TDRD9: variants seen among roughly 807,000 people sequenced by gnomAD.
TDRD9 encodes ATP-dependent RNA helicase TDRD9.
TDRD9 carries 124 observed loss-of-function variants against 172.6 expected under a neutral mutation model. The ratio of observed to expected loss-of-function variants is 0.72; its 90% CI spans 0.62 to 0.83. The LOEUF is 0.83. Among genes scored for constraint, TDRD9 ranks in the 40% least tolerant of loss-of-function variants. The probability of loss-of-function intolerance (pLI) is 0.00; values close to 1 mark genes in which losing one functional copy is unlikely to be tolerated. For synonymous variants in TDRD9, 619 were observed against 617.1 expected, an observed-to-expected ratio of 1.00 and a Z score of -0.05; for missense variants, 1,479 against 1,714.1, an observed-to-expected ratio of 0.86 and a Z score of 2.42.
At chr14:103,976,489 C>G (rs1466721409) in intron 7 of TDRD9, among the ~76,000 whole-genome samples, 2 of 151,912 alleles carry the variant, frequency 1.3e-5, no homozygotes, top group Non-Finnish European at 2.9e-5. Flanking sequence ...TCTCAATCCC[C>G]TGACCTCATG....
intron 1 of TDRD9, among the ~76,000 whole-genome samples, chr14:103,946,370 ACT>A (rs2031558888): frequency 6.6e-6 from 1 of 152,050 alleles, no homozygotes; most frequent in African/African-American, 2.4e-5. Context: ...CATATTAAAA[ACT>A]CTCAACAAAC....
At chr14:103,993,016 G>A (rs1196240034) in intron 9 of TDRD9, among the ~76,000 whole-genome samples, 2 of 151,516 alleles carry the variant, frequency 1.3e-5, no homozygotes. Flanking sequence ...TGTTCCCCAG[G>A]CTGGAGTACA....
At chr14:104,006,057 G>A (rs1340351063) in intron 15 of TDRD9, among the ~76,000 whole-genome samples, 1 of 152,112 alleles carries the variant, frequency 6.6e-6, no homozygotes, top group Non-Finnish European at 1.5e-5. Flanking sequence ...ACATAGTTCA[G>A]TAAGGTTTTG....
intron 32 of TDRD9, among the ~76,000 whole-genome samples, chr14:104,039,166 A>G (rs902656897): frequency 6.6e-6 from 1 of 152,196 alleles, no homozygotes; most frequent in African/African-American, 2.4e-5. Flanking sequence ...AAGGGGGAAA[A>G]GAAAAGCCCC....
intron 13 of TDRD9, 125 bp from the exon 14 acceptor site, chr14:104,004,113 A>C: frequency 2.1e-6 from 1 of 485,114 alleles, no homozygotes; most frequent in Non-Finnish European, 3.8e-6. Context: ...TTTTACTGAC[A>C]TAGTCTGGTG....
At chr14:103,968,829 G>C (rs569550532) in intron 5 of TDRD9, among the ~76,000 whole-genome samples, 1 of 127,224 alleles carries the variant, frequency 7.9e-6, no homozygotes, top group Non-Finnish European at 1.7e-5. Context: ...GGCCGGGTGC[G>C]GTGGCTCACG....
chr14:103,975,650 A>G (rs2033207031), intron 7 of TDRD9, 97 bp downstream of exon 7: 2 of 1,252,550 alleles, frequency 1.6e-6, no homozygotes, highest in Middle Eastern at 2.7e-4. Context: ...CTGCGAGAAA[A>G]TTATTATTTT....
chr14:103,968,247 C>T (rs1165275430), intron 5 of TDRD9, among the ~76,000 whole-genome samples: 1 of 152,228 alleles, frequency 6.6e-6, no homozygotes, highest in African/African-American at 2.4e-5. Context: ...GACCATCGCG[C>T]CATCACGGCA....
chr14:103,928,849 C>T (rs10129730), intron 1 of TDRD9, 125 bp downstream of exon 1: 4,408 of 296,040 alleles, frequency 0.015, 181 homozygotes, highest in Admixed American at 0.12. Context: ...GGACCCCTGA[C>T]CGTCCAGGGC....
At chr14:104,007,693 G>A (rs1463795831) in intron 19 of TDRD9, among the ~76,000 whole-genome samples, 2 of 150,906 alleles carry the variant, frequency 1.3e-5, no homozygotes, top group Admixed American at 1.3e-4. Context: ...TGGTTCAACA[G>A]ACTGTTTACA....
chr14:103,992,526 CA>C (rs1192770115), intron 9 of TDRD9, among the ~76,000 whole-genome samples: 1 of 152,170 alleles, frequency 6.6e-6, no homozygotes, highest in African/African-American at 2.4e-5. Context: ...GGGAAAACAT[CA>C]CCCAAGTAGA....
intron 23 of TDRD9, among the ~76,000 whole-genome samples, chr14:104,021,036 A>G (rs2034938644): frequency 6.6e-6 from 1 of 152,098 alleles, no homozygotes; most frequent in Admixed American, 6.5e-5. Flanking sequence ...AAACTGGGTA[A>G]TTTATAAAGA....
intron 19 of TDRD9, 134 bp downstream of exon 19, chr14:104,007,338 G>A: frequency 5.1e-6 from 4 of 777,662 alleles, no homozygotes; most frequent in Admixed American, 2.9e-5. Context: ...GTCAGTGCTC[G>A]CACGGCTGTC....
intron 28 of TDRD9, among the ~76,000 whole-genome samples, chr14:104,029,113 C>T (rs2035208652): frequency 6.6e-6 from 1 of 152,204 alleles, no homozygotes. Flanking sequence ...AAGTCAGGTA[C>T]TGCGATGTCT....
chr14:103,958,656 A>G (rs1042045598), intron 2 of TDRD9, among the ~76,000 whole-genome samples: 1 of 152,246 alleles, frequency 6.6e-6, no homozygotes, highest in South Asian at 2.1e-4. Flanking sequence ...GGAAGAGGCC[A>G]TGAGCCAATG....
chr14:104,008,431 C>CG lies in TDRD9; in HGVS notation c.2073dup (p.Leu692ValfsTer10). The CG allele has an allele frequency of 6.4e-7, 1 of 1,557,892 alleles. No homozygotes were observed. Among genetic ancestry groups the CG allele is most frequent in the East Asian group, 2.3e-5 (1 of 44,350 alleles). ...TTTAAAGGATGAACTTAATTGGGGA[C>CG]GGTTAAATTACATTCAAATCAAGAG... On this transcript the variant is annotated frameshift_variant, in exon 20 of 36. Transcript: ENST00000409874. LOFTEE classifies it high-confidence loss of function.
At chr14:104,022,475 C>A in intron 24 of TDRD9, 145 bp downstream of exon 24, 1 of 853,106 alleles carries the variant, frequency 1.2e-6, no homozygotes, top group Non-Finnish European at 1.8e-6. Context: ...CGCCACTCAT[C>A]CAGCACTTTG....
intron 6 of TDRD9, among the ~76,000 whole-genome samples, chr14:103,971,868 T>C (rs1335685604): frequency 6.6e-6 from 1 of 152,098 alleles, no homozygotes; most frequent in East Asian, 1.9e-4. Flanking sequence ...GGTATGTGAA[T>C]GAAGCTGGGT....
rs1219500232 is a variant in TDRD9, at chr14:104,008,426, G to A, written c.2066G>A (p.Trp689Ter). The change falls in exon 20 of 36, where the codon TGG (tryptophan) becomes TAG (stop). Residue 689 changes from tryptophan (W) to a stop codon, truncating the protein, a stop_gained. Transcript: ENST00000409874. LOFTEE classifies it high-confidence loss of function. ...ATATATTTAAAGGATGAACTTAATT[G>A]GGGACGGTTAAATTACATTCAAATC... Reference protein sequence around the residue: ...ELRYPKDELNWGRLNYIQIKR... With the variant: ...ELRYPKDELN The A allele has an allele frequency of 6.4e-7, 1 of 1,554,770 alleles. No homozygotes were observed. The highest frequency in any genetic ancestry group is 1.4e-5 in the African/African-American group (1 of 73,690).
Sources: allele counts gnomAD v4.1 joint callset (sites outside exome capture counted in the v4.1 genomes callset), GRCh38; gene constraint gnomAD v4.1.1; transcripts MANE v1.5; gene names NCBI Gene and HGNC (gene_info 2026-07-23, HGNC 2026-07-21).